SLC35B3: variants seen among roughly 807,000 people sequenced by gnomAD.
The protein encoded by SLC35B3 is adenosine 3'-phospho 5'-phosphosulfate transporter 2.
In SLC35B3, 35 loss-of-function variants were observed where a neutral mutation model predicts 44.1. The observed-to-expected ratio is 0.79, with a 90% confidence interval of 0.61 to 1.05. The LOEUF is 1.05. Among genes scored for constraint, SLC35B3 ranks in the 50% least tolerant of loss-of-function variants. The pLI, the probability that SLC35B3 is intolerant of heterozygous loss-of-function variation, is 0.00. For synonymous variants in SLC35B3, 146 were observed against 167.3 expected (o/e 0.87, Z 0.98); for missense variants, 414 against 476.4 (o/e 0.87, Z 1.22).
chr6:8,422,907 GTT>G (rs57405337), intron 4 of SLC35B3, among the ~76,000 whole-genome samples: 9 of 146,336 alleles, frequency 6.2e-5, no homozygotes, highest in South Asian at 2.2e-4. Flanking sequence ...TTGACAAAAG[GTT>G]TTTTTTTTTT....
Position 8,413,645 on chromosome 6 carries a change from G to T in SLC35B3, c.1110C>A (p.Ser370Arg). 2 of 1,591,198 alleles carry T rather than the reference G, an allele frequency of 1.3e-6. No individual in the cohort carries two copies. Among genetic ancestry groups the T allele is most frequent in the Non-Finnish European group, 1.7e-6 (2 of 1,164,308 alleles). The stretch of plus-strand genomic sequence containing the variant: ...GTAGTCTTATTTTATCCATATTTTT[G>T]CTGTAAACATTAAGAAATATACCAA... The change falls in exon 11 of 11, where the codon AGC becomes AGA. Residue 370 changes from serine (S) to arginine (R), a missense_variant. By Grantham distance (110) the Ser-to-Arg change is moderately radical. Coordinates refer to ENST00000644923, the MANE Select transcript of SLC35B3 (RefSeq NM_001370476.2).
rs1248057715 is a variant in SLC35B3 at position 8,426,347 on chromosome 6, G to GT, written c.419+1589dup. On this transcript the variant is annotated intron_variant, in intron 4 of 10. Coordinates refer to ENST00000644923, the MANE Select transcript of SLC35B3 (RefSeq NM_001370476.2). ...AATTTTATAGAACATTTTTGATATGGTTTGGCGCTGTGTCACCACTCAAAT... is the reference window on the plus strand; with the variant it reads ...AATTTTATAGAACATTTTTGATATGGTTTTGGCGCTGTGTCACCACTCAAAT... Among the ~76,000 whole-genome samples, 5 of 152,070 alleles carry GT rather than the reference G, an allele frequency of 3.3e-5. No homozygotes were observed. The South Asian group carries it at 8.3e-4, about 25-fold the overall frequency.
chr6:8,435,482 G>T lies in SLC35B3; in HGVS notation c.-183C>A. 2 of 1,007,358 alleles carry T rather than the reference G, an allele frequency of 2.0e-6. No individual in the cohort carries two copies. The highest frequency in any genetic ancestry group is 2.7e-6 in the Non-Finnish European group (2 of 752,104). The allele number at this position is 1,007,358 out of a possible 1,614,324, so 62.4% of individuals were successfully genotyped here. On this transcript the variant is annotated 5_prime_UTR_variant, in exon 1 of 11. Coordinates refer to ENST00000644923, the MANE Select transcript of SLC35B3 (RefSeq NM_001370476.2). The surrounding 1 kb of genome is among the most constrained non-coding windows in gnomAD (Gnocchi z 5.5). ...CTCGCCCACTCCTGCACTTTCCACC[G>T]CGGCGGTCGCCTCCCCGGAAAGCAC...
intron 9 of SLC35B3, among the ~76,000 whole-genome samples, 183 bp from the exon 9 acceptor site, chr6:8,415,160 A>G (rs2113246825): frequency 6.6e-6 from 1 of 152,314 alleles, no homozygotes; most frequent in South Asian, 2.1e-4. Context: ...CCCTGTTACT[A>G]TGGAGTTTAG....
chr6:8,425,020 A>G (rs1293020496), intron 4 of SLC35B3, among the ~76,000 whole-genome samples: 2 of 152,256 alleles, frequency 1.3e-5, no homozygotes, highest in East Asian at 1.9e-4. Flanking sequence ...GTTTCAATTC[A>G]TAATTACATT....
rs1241233616 is a variant in SLC35B3 at position 8,429,962 on chromosome 6, C to T, written c.199G>A (p.Val67Ile). Residue 67 changes from valine to isoleucine, a missense_variant, in exon 3 of 11, where the codon GTA becomes ATA. Coordinates refer to ENST00000644923, the MANE Select transcript of SLC35B3 (RefSeq NM_001370476.2). ...AACTTGCTGAGATTCATGCCAAGTA[C>T]CACAACGTCGTCAACTGACTTGATG... 5 of 1,612,818 alleles carry T rather than the reference C, an allele frequency of 3.1e-6. No individual in the cohort carries two copies. In the South Asian group the frequency reaches 5.5e-5, roughly 18 times the overall value.
chr6:8,429,912 T>A lies in SLC35B3; in HGVS notation c.249A>T (p.Ile83=). ...AAAATACAAAAACTCCAGCAACACA[T>A]ATGAAAAACTGAGTAAGTTTGTTAA... The change falls in exon 3 of 11, where the codon ATA becomes ATT. Residue 83 remains isoleucine, a synonymous_variant. Transcript: ENST00000644923. The A allele has an allele frequency of 6.2e-7, 1 of 1,608,928 alleles. No homozygotes were observed. Among genetic ancestry groups the A allele is most frequent in the Non-Finnish European group, 8.5e-7 (1 of 1,177,250 alleles).
intron 10 of SLC35B3, 149 bp from the exon 10 acceptor site, chr6:8,413,848 G>C (rs1345018186): frequency 5.6e-6 from 3 of 538,286 alleles, no homozygotes; most frequent in Non-Finnish European, 9.6e-6. Context: ...AATAAAAATA[G>C]TATTCTTAGA....
intron 10 of SLC35B3, among the ~76,000 whole-genome samples, chr6:8,414,499 T>A (rs1037483457): frequency 6.6e-6 from 1 of 152,202 alleles, no homozygotes; most frequent in African/African-American, 2.4e-5. Flanking sequence ...TAAACTAGTA[T>A]TTTTTTAAAG....
chr6:8,417,273 C>T (rs540308631), intron 8 of SLC35B3, 129 bp downstream of exon 7: 43 of 645,560 alleles, frequency 6.7e-5, no homozygotes, highest in South Asian at 2.1e-4. Context: ...AATTAATTTC[C>T]GATTGGCATG....
chr6:8,423,376 CTA>C (rs1763114772), intron 4 of SLC35B3, among the ~76,000 whole-genome samples: 1 of 150,794 alleles, frequency 6.6e-6, no homozygotes, highest in Admixed American at 6.6e-5. Context: ...TCTCTATATT[CTA>C]TGTTATAATA....
At position 8,434,382 on chromosome 6, in the gene SLC35B3, T is replaced by C; in HGVS notation, c.3+3A>G. 1 of 1,612,540 alleles carries C rather than the reference T, an allele frequency of 6.2e-7. No homozygotes were observed. Among genetic ancestry groups the C allele is most frequent in the South Asian group, 1.1e-5 (1 of 91,000 alleles). On this transcript the variant is annotated splice_donor_region_variant and intron_variant, in intron 2 of 10. Transcript: ENST00000644923. This position sits in a 1 kb window ranked among gnomAD's most constrained non-coding sequence, Gnocchi z 6.3. The stretch of plus-strand genomic sequence containing the variant: ...CTCAACGTTACAAATAAAAGAATCT[T>C]ACCATGCCATTATGCCTTGATTAAC...
chr6:8,428,829 G>GAAA (rs1192347775), intron 3 of SLC35B3, among the ~76,000 whole-genome samples: 9 of 151,870 alleles, frequency 5.9e-5, no homozygotes, highest in Non-Finnish European at 1.2e-4. Context: ...CTTCATTGTG[G>GAAA]CATCTCAAGT....
Position 8,413,480 on chromosome 6 carries a change from T to A in SLC35B3, c.*69A>T. ...CTCCAGATCCTTTGGTTTTTATCAG[T>A]CCCTTTGGAAAGTTAATTAATTGAT... On this transcript the variant is annotated 3_prime_UTR_variant, in exon 11 of 11. Transcript: ENST00000644923. 7.2e-7 allele frequency: 1 copy of A among 1,392,558 alleles called. No homozygotes were observed. Among genetic ancestry groups the A allele is most frequent in the Non-Finnish European group, 9.8e-7 (1 of 1,022,770 alleles). 86.3% of individuals were successfully genotyped at this position (1,392,558 alleles called of 1,614,324 possible). A position where few individuals can be genotyped will look rare whatever the true frequency, so the allele number is the denominator to read the frequency against.
rs956112556 is a variant in SLC35B3, at chr6:8,428,376, C to G, written c.298-318G>C. 3.9e-5 allele frequency among the ~76,000 whole-genome samples: 6 copies of G among 152,186 alleles called. No homozygotes were observed. The East Asian group carries it at 1.2e-3, about 29-fold the overall frequency. Reference sequence around the variant, plus strand: ...CACTAAGAGTTATTCTAATAGTTATCTGGTTTAATTTTAATTGAATAAGTC... The same window carrying G: ...CACTAAGAGTTATTCTAATAGTTATGTGGTTTAATTTTAATTGAATAAGTC... On this transcript the variant is annotated intron_variant, in intron 3 of 10. Transcript: ENST00000644923.
At chr6:8,418,874 G>A (rs977106107) in intron 7 of SLC35B3, 2 of 225,082 alleles carry the variant, frequency 8.9e-6, no homozygotes, top group African/African-American at 2.3e-5. Context: ...AATAACTACT[G>A]GTAGTAATAT....
At position 8,435,234 on chromosome 6, in the gene SLC35B3, C is replaced by A; in HGVS notation, c.-44+109G>T. 7.8e-7 allele frequency: 1 copy of A among 1,289,338 alleles called. No homozygotes were observed. The allele number at this position is 1,289,338 out of a possible 1,614,324, so 79.9% of individuals were successfully genotyped here. ...CCGTTTCTTCCATCCCGACCTCATC[C>A]ATTCCTCGAACGCTCCTTCTGGATG... is the stretch of plus-strand genomic sequence containing the variant. On this transcript the variant is annotated intron_variant, in intron 1 of 10. Coordinates refer to ENST00000644923, the MANE Select transcript of SLC35B3 (RefSeq NM_001370476.2). This position sits in a 1 kb window ranked among gnomAD's most constrained non-coding sequence, Gnocchi z 5.5.
At chr6:8,417,174 A>G (rs1762486854) in intron 8 of SLC35B3, among the ~76,000 whole-genome samples, 179 bp from the exon 8 acceptor site, 1 of 152,180 alleles carries the variant, frequency 6.6e-6, no homozygotes, top group Admixed American at 6.5e-5. Flanking sequence ...AAGATCCTCA[A>G]CTTTCCTACA....
intron 9 of SLC35B3, among the ~76,000 whole-genome samples, chr6:8,415,941 A>T (rs529490493): frequency 6.6e-6 from 1 of 152,188 alleles, no homozygotes; most frequent in South Asian, 2.1e-4. Context: ...GGCACAGTGG[A>T]CAGAAAGAAC....
Sources: gnomAD v4.1 joint callset for allele counts (sites outside exome capture counted in the v4.1 genomes callset) on GRCh38, gnomAD v4.1.1 for gene constraint, Gnocchi (gnomAD v3.1) non-coding constraint, MANE v1.5 for transcripts, NCBI Gene and HGNC (gene_info 2026-07-23, HGNC 2026-07-21) for gene names.